The following ACVR2A variants were observed in gnomAD, a reference collection of about 807,000 sequenced individuals.
The protein encoded by ACVR2A is activin A receptor type 2A, also known as activin receptor type-2A.
ACVR2A carries 7 observed loss-of-function variants against 61.4 expected under a neutral mutation model. That is an observed-to-expected ratio of 0.11 (90% CI 0.06 to 0.21). The LOEUF is 0.21. Among genes scored for constraint, ACVR2A ranks in the 10% least tolerant of loss-of-function variants. The pLI, the probability that ACVR2A is intolerant of heterozygous loss-of-function variation, is 1.00. For synonymous variants in ACVR2A, 193 were observed against 208.3 expected, an observed-to-expected ratio of 0.93 and a Z score of 0.63; for missense variants, 322 against 621.7, an observed-to-expected ratio of 0.52 and a Z score of 5.13.
intron 1 of ACVR2A, among the ~76,000 whole-genome samples, chr2:147,859,975 G>C (rs1240382885): frequency 6.6e-6 from 1 of 152,092 alleles, no homozygotes; most frequent in Admixed American, 6.6e-5. Context: ...GTGTTTTAGA[G>C]GACAAAAATT....
At chr2:147,900,134 A>T (rs976557859) in intron 4 of ACVR2A, among the ~76,000 whole-genome samples, 7 of 152,046 alleles carry the variant, frequency 4.6e-5, no homozygotes, top group African/African-American at 1.4e-4. Context: ...TCCCATTTCT[A>T]TTCCTCTTTG....
intron 1 of ACVR2A, among the ~76,000 whole-genome samples, chr2:147,895,821 T>A (rs143317900): frequency 1.3e-5 from 2 of 152,352 alleles, no homozygotes; most frequent in African/African-American, 4.8e-5. Flanking sequence ...TTGGTAAAGC[T>A]TCTGGTTAAC....
At chr2:147,914,701 G>A (rs1687207420) in intron 4 of ACVR2A, among the ~76,000 whole-genome samples, 1 of 151,958 alleles carries the variant, frequency 6.6e-6, no homozygotes, top group African/African-American at 2.4e-5. Context: ...AAGAATGACT[G>A]CCGGTATCTC....
intron 1 of ACVR2A, among the ~76,000 whole-genome samples, chr2:147,849,261 T>A (rs1348823077): frequency 6.6e-6 from 1 of 152,180 alleles, no homozygotes; most frequent in African/African-American, 2.4e-5. Context: ...CATGATATGA[T>A]CTTTAAGGAT....
chr2:147,914,109 G>GA (rs1051270371), intron 4 of ACVR2A, among the ~76,000 whole-genome samples: 9 of 151,938 alleles, frequency 5.9e-5, no homozygotes, highest in Admixed American at 1.3e-4. Flanking sequence ...GAAGAAGAGA[G>GA]AAAAAGAAAG....
At chr2:147,851,989 A>G (rs1685460318) in intron 1 of ACVR2A, among the ~76,000 whole-genome samples, 2 of 152,066 alleles carry the variant, frequency 1.3e-5, no homozygotes, top group Admixed American at 6.5e-5. Context: ...TTATGGTTCT[A>G]TAATTTTAAG....
intron 1 of ACVR2A, among the ~76,000 whole-genome samples, chr2:147,876,996 AGT>A (rs1686173731): frequency 6.6e-6 from 1 of 151,758 alleles, no homozygotes; most frequent in African/African-American, 2.4e-5. Context: ...TAGCCTTATT[AGT>A]AAAGCTGCTG....
intron 1 of ACVR2A, among the ~76,000 whole-genome samples, chr2:147,879,003 A>T (rs1686227737): frequency 6.6e-6 from 1 of 152,210 alleles, no homozygotes; most frequent in Non-Finnish European, 1.5e-5. Flanking sequence ...AGTTTAGAGA[A>T]TAGTATGATA....
Position 147,929,612 on chromosome 2 carries a change from G to GT in ACVR2A, c.*2339dup, listed in dbSNP as rs1486400392. On this transcript the variant is annotated 3_prime_UTR_variant, in exon 11 of 11. Transcript: ENST00000241416. The stretch of plus-strand genomic sequence containing the variant: ...TAAGCAGTAAAATAAGAATGTTCCA[G>GT]TGACTACCTGTCCTTATACCTAGTC... 6.6e-6 allele frequency: 1 copy of GT among 152,324 alleles called. No homozygotes were observed. The highest frequency in any genetic ancestry group is 1.5e-5 in the Non-Finnish European group (1 of 67,940). 9.4% of individuals were successfully genotyped at this position (152,324 alleles called of 1,614,324 possible). A position where few individuals can be genotyped will look rare whatever the true frequency, so the allele number is the denominator to read the frequency against.
intron 1 of ACVR2A, among the ~76,000 whole-genome samples, chr2:147,865,259 G>A (rs758424196): frequency 2.0e-5 from 3 of 151,980 alleles, no homozygotes; most frequent in South Asian, 2.1e-4. Context: ...TCCTCTCACC[G>A]TCCAGTTTCT....
At chr2:147,877,685 A>G (rs148876063) in intron 1 of ACVR2A, among the ~76,000 whole-genome samples, 3 of 152,328 alleles carry the variant, frequency 2.0e-5, no homozygotes, top group African/African-American at 7.2e-5. Context: ...TAGTTCACAT[A>G]GATAGTAAAA....
intron 1 of ACVR2A, among the ~76,000 whole-genome samples, chr2:147,862,299 A>T (rs1324305386): frequency 2.7e-5 from 4 of 148,832 alleles, no homozygotes; most frequent in African/African-American, 9.9e-5. Context: ...TTTTTTTTGG[A>T]GTAGGGGTCT....
At chr2:147,860,107 T>G (rs1267411342) in intron 1 of ACVR2A, among the ~76,000 whole-genome samples, 1 of 152,186 alleles carries the variant, frequency 6.6e-6, no homozygotes, top group Non-Finnish European at 1.5e-5. Context: ...TGACGTAGTA[T>G]GTAAGAAAGG....
At chr2:147,858,129 G>T (rs200060276) in intron 1 of ACVR2A, among the ~76,000 whole-genome samples, 1 of 152,136 alleles carries the variant, frequency 6.6e-6, no homozygotes, top group East Asian at 1.9e-4. Flanking sequence ...TCCCTGCGAA[G>T]GACGTGCTCT....
At chr2:147,926,936 T>A (rs1687514524) in intron 10 of ACVR2A, 144 bp from the exon 11 acceptor site, 1 of 734,320 alleles carries the variant, frequency 1.4e-6, no homozygotes, top group Non-Finnish European at 2.2e-6. Flanking sequence ...TTTATGATTC[T>A]GCACATGGTA....
At chr2:147,892,584 A>C (rs1323289701) in intron 1 of ACVR2A, among the ~76,000 whole-genome samples, 1 of 151,626 alleles carries the variant, frequency 6.6e-6, no homozygotes, top group Non-Finnish European at 1.5e-5. Flanking sequence ...AAATAGCAAT[A>C]ATAATCCATT....
chr2:147,883,404 T>C (rs968078804), intron 1 of ACVR2A, among the ~76,000 whole-genome samples: 2 of 152,240 alleles, frequency 1.3e-5, no homozygotes, highest in African/African-American at 4.8e-5. Flanking sequence ...TTGGCCAGGC[T>C]GGTCTAAAAC....
chr2:147,899,864 A>G lies in ACVR2A; in HGVS notation c.494A>G (p.Lys165Arg), dbSNP rs1686831152. ...ICAFWVYRHH[K>R]MAYPPVLVPT... ...GCATTTTGGGTGTACAGGCATCACA[A>G]GATGGCCTACCCTCCTGTACTTGTT... Residue 165 changes from lysine (K) to arginine (R), a missense_variant, in exon 4 of 11, where the codon AAG becomes AGG. By Grantham distance (26) the Lys-to-Arg change is conservative. This residue lies in a region of ACVR2A where 142 missense variants were observed against 200.3 expected (regional missense o/e 0.71). Transcript: ENST00000241416. The G allele has an allele frequency of 1.9e-6, 3 of 1,613,558 alleles. No homozygotes were observed. Among genetic ancestry groups the G allele is most frequent in the South Asian group, 1.1e-5 (1 of 91,064 alleles).
At chr2:147,855,314 G>C (rs1685544927) in intron 1 of ACVR2A, among the ~76,000 whole-genome samples, 1 of 152,210 alleles carries the variant, frequency 6.6e-6, no homozygotes, top group African/African-American at 2.4e-5. Context: ...TATTTAACTA[G>C]CTGCCTGAAG....
Sources: gnomAD v4.1 joint callset for allele counts (sites outside exome capture counted in the v4.1 genomes callset) on GRCh38, gnomAD v4.1.1 for gene constraint, gnomAD v4.1.1 regional missense constraint, MANE v1.5 for transcripts, NCBI Gene and HGNC (gene_info 2026-07-23, HGNC 2026-07-21) for gene names.